The following PITPNM2 variants were observed in gnomAD, a reference collection of about 807,000 sequenced individuals.
PITPNM2 encodes membrane-associated phosphatidylinositol transfer protein 2.
Under a neutral mutation model 132.2 loss-of-function variants are expected in PITPNM2, and 35 were observed. The ratio of observed to expected loss-of-function variants is 0.26; its 90% CI spans 0.20 to 0.35. The LOEUF (loss-of-function observed/expected upper bound fraction) is 0.35. PITPNM2 is among the 10% of genes least tolerant of loss of function. The pLI is 1.00. For synonymous variants in PITPNM2, 738 were observed against 799.2 expected (o/e 0.92, Z 1.29); for missense variants, 1,332 against 1,912.0 (o/e 0.70, Z 5.66).
chr12:123,109,574 C>G (rs540928165), intron 2 of PITPNM2, among the ~76,000 whole-genome samples: 5 of 152,344 alleles, frequency 3.3e-5, no homozygotes, highest in African/African-American at 1.2e-4. Context: ...GGGCCACTGA[C>G]CATGACTTGC....
rs542570725 is a variant in PITPNM2 at position 123,057,969 on chromosome 12, C to T, written c.-95-23284G>A. On this transcript the variant is annotated intron_variant, in intron 2 of 25. Coordinates refer to ENST00000320201, the MANE Select transcript of PITPNM2 (RefSeq NM_020845.3). ...GTTGGAATGTGACCCTCCGTGCCAGCTGGGCCCCAAGTCCCAGGGACCCCT... is the reference window on the plus strand; with the variant it reads ...GTTGGAATGTGACCCTCCGTGCCAGTTGGGCCCCAAGTCCCAGGGACCCCT... Among the ~76,000 whole-genome samples, 41 of 152,316 alleles carry T rather than the reference C, an allele frequency of 2.7e-4. 1 individual carries two copies. The South Asian group carries it at 8.3e-3, about 31-fold the overall frequency.
chr12:123,007,062 G>A (rs2038964530), intron 6 of PITPNM2, among the ~76,000 whole-genome samples: 1 of 152,174 alleles, frequency 6.6e-6, no homozygotes, highest in African/African-American at 2.4e-5. Context: ...GCCCCTGACA[G>A]TTGGCCCCGA....
At chr12:123,067,899 G>A (rs2041481546) in intron 2 of PITPNM2, among the ~76,000 whole-genome samples, 1 of 152,192 alleles carries the variant, frequency 6.6e-6, no homozygotes, top group South Asian at 2.1e-4. Flanking sequence ...TTGGCTGGAA[G>A]GGTGACACTA....
intron 20 of PITPNM2, 150 bp from the exon 21 acceptor site, chr12:122,988,051 T>G: frequency 1.1e-6 from 1 of 937,314 alleles, no homozygotes; most frequent in Non-Finnish European, 1.7e-6. Context: ...ATGACGTGGC[T>G]TTGGAGAAAC....
rs1037536202 is a variant in PITPNM2 at position 123,111,723 on chromosome 12, G to A, written c.-199-1235C>T. ...TCCTGCCCCAGCCCCTTGTCTCCAC[G>A]GCTGCATGTACACACCCACATACAC... On this transcript the variant is annotated intron_variant, in intron 1 of 25. Transcript: ENST00000320201. This position sits in a 1 kb window ranked among gnomAD's most constrained non-coding sequence, Gnocchi z 4.1. 2.0e-5 allele frequency among the ~76,000 whole-genome samples: 3 copies of A among 152,226 alleles called. No individual in the cohort carries two copies. The highest frequency in any genetic ancestry group is 4.1e-4 in the South Asian group (2 of 4,830).
chr12:123,046,484 A>G (rs1446796062), intron 2 of PITPNM2, among the ~76,000 whole-genome samples: 1 of 152,176 alleles, frequency 6.6e-6, no homozygotes, highest in Middle Eastern at 3.2e-3. Flanking sequence ...ACCACTTTAA[A>G]GTGGTTTTTA....
intron 1 of PITPNM2, among the ~76,000 whole-genome samples, chr12:123,123,218 C>A (rs2043065167): frequency 6.6e-6 from 1 of 152,220 alleles, no homozygotes; most frequent in African/African-American, 2.4e-5. Flanking sequence ...CTGAACAACT[C>A]TACATGAGCC....
chr12:123,047,785 G>GA (rs2040711308), intron 2 of PITPNM2, among the ~76,000 whole-genome samples: 1 of 151,816 alleles, frequency 6.6e-6, no homozygotes, highest in Middle Eastern at 3.2e-3. Flanking sequence ...AACCTGAGGG[G>GA]AAACACTATT....
intron 2 of PITPNM2, among the ~76,000 whole-genome samples, chr12:123,042,132 A>C (rs2040504044): frequency 6.6e-6 from 1 of 151,194 alleles, no homozygotes; most frequent in Admixed American, 6.6e-5. Context: ...TCACCCAAAG[A>C]ATCAAGGGCA....
At chr12:123,085,898 C>A (rs1057050601) in intron 2 of PITPNM2, among the ~76,000 whole-genome samples, 1 of 152,186 alleles carries the variant, frequency 6.6e-6, no homozygotes, top group African/African-American at 2.4e-5. Context: ...TTTGTGTGAG[C>A]CAGCATGACT....
At chr12:123,104,678 C>T (rs182606555) in intron 2 of PITPNM2, among the ~76,000 whole-genome samples, 1 of 152,194 alleles carries the variant, frequency 6.6e-6, no homozygotes, top group East Asian at 1.9e-4. Context: ...ATAAAACAGC[C>T]CCACCCCTAT....
chr12:122,988,650 T>G, intron 19 of PITPNM2, 74 bp downstream of exon 19: 1 of 1,446,426 alleles, frequency 6.9e-7, no homozygotes, highest in South Asian at 1.3e-5. Context: ...CACTGTCCCC[T>G]CGTCTGTGAA....
intron 1 of PITPNM2, among the ~76,000 whole-genome samples, chr12:123,143,425 G>C (rs77380554): frequency 0.019 from 2,968 of 152,306 alleles, 42 homozygotes; most frequent in South Asian, 0.072. Flanking sequence ...CCTCTCAAAA[G>C]GGGAAATAAA....
chr12:123,090,350 A>G (rs568065470), intron 2 of PITPNM2: 1 of 152,292 alleles, frequency 6.6e-6, no homozygotes, highest in East Asian at 1.9e-4. Context: ...GATCCAAGAG[A>G]AAGGACAGCA....
At chr12:123,042,062 GATGC>G (rs890508624) in intron 2 of PITPNM2, among the ~76,000 whole-genome samples, 2 of 152,108 alleles carry the variant, frequency 1.3e-5, no homozygotes, top group African/African-American at 4.8e-5. Context: ...CGAGGTGCAG[GATGC>G]ATCCAGACCA....
At position 123,009,493 on chromosome 12, in the gene PITPNM2, T is replaced by G. The variant is rs150722973; in HGVS notation, c.643+357A>C. ...AGGCCTGGGAGCCCAGAGGCCCAGA[T>G]GAGCAGCAGGGAACCTGTCCCCAGG... is the stretch of plus-strand genomic sequence containing the variant. On this transcript the variant is annotated intron_variant, in intron 6 of 25. Coordinates refer to ENST00000320201, the MANE Select transcript of PITPNM2 (RefSeq NM_020845.3). This position sits in a 1 kb window ranked among gnomAD's most constrained non-coding sequence, Gnocchi z 4.8. Among the ~76,000 whole-genome samples the G allele has an allele frequency of 1.2e-3, 181 of 152,300 alleles. No individual in the cohort carries two copies. The highest frequency in any genetic ancestry group is 4.1e-3 in the African/African-American group (170 of 41,572).
intron 1 of PITPNM2, among the ~76,000 whole-genome samples, chr12:123,148,790 C>G (rs943125053): frequency 3.3e-5 from 5 of 151,998 alleles, no homozygotes; most frequent in Admixed American, 6.6e-5. Context: ...GTGGGGGGCA[C>G]GTGTAAACAG....
intron 2 of PITPNM2, among the ~76,000 whole-genome samples, chr12:123,066,797 G>A (rs938094135): frequency 6.6e-6 from 1 of 152,028 alleles, no homozygotes; most frequent in Non-Finnish European, 1.5e-5. Context: ...CTGCCTACTG[G>A]ACCCCCTCGG....
chr12:123,114,464 G>A (rs1460742726), intron 1 of PITPNM2, among the ~76,000 whole-genome samples: 4 of 148,768 alleles, frequency 2.7e-5, no homozygotes, highest in African/African-American at 1.0e-4. Flanking sequence ...GAGGAACCTG[G>A]CAACTAGATC....
Sources: gnomAD v4.1 joint callset for allele counts (sites outside exome capture counted in the v4.1 genomes callset) on GRCh38, gnomAD v4.1.1 for gene constraint, Gnocchi (gnomAD v3.1) non-coding constraint, MANE v1.5 for transcripts, NCBI Gene and HGNC (gene_info 2026-07-23, HGNC 2026-07-21) for gene names.